Variants in SLIT1 observed in about 807,000 individuals in gnomAD.
SLIT1 encodes the protein slit homolog 1 protein.
In SLIT1, 66 loss-of-function variants were observed where a neutral mutation model predicts 186.1. The ratio of observed to expected loss-of-function variants is 0.35; its 90% CI spans 0.29 to 0.44. SLIT1 has a LOEUF of 0.44. Among genes scored for constraint, SLIT1 ranks in the 20% least tolerant of loss-of-function variants. The pLI is 1.00. For synonymous variants in SLIT1, 761 were observed against 833.8 expected (o/e 0.91, Z 1.50); for missense variants, 1,638 against 2,037.4 (o/e 0.80, Z 3.77).
At chr10:97,060,302 G>GA in intron 9 of SLIT1, 144 bp from the exon 10 acceptor site, 4 of 726,404 alleles carry the variant, frequency 5.5e-6, no homozygotes. Context: ...GAAGTCTGGG[G>GA]TAAGGACGCC....
intron 4 of SLIT1, among the ~76,000 whole-genome samples, chr10:97,152,381 G>T (rs1261929317): frequency 6.6e-6 from 1 of 152,238 alleles, no homozygotes; most frequent in Non-Finnish European, 1.5e-5. Context: ...ATGGGACGCA[G>T]GTCCAGGTGC....
intron 4 of SLIT1, among the ~76,000 whole-genome samples, chr10:97,136,200 C>T (rs556410588): frequency 1.7e-3 from 257 of 152,168 alleles, no homozygotes; most frequent in Middle Eastern, 3.2e-3. Flanking sequence ...ACCTTGTCCC[C>T]TCATCCACTG....
At chr10:97,066,124 C>A in intron 4 of SLIT1, 38 bp from the exon 5 acceptor site, 2 of 1,509,504 alleles carry the variant, frequency 1.3e-6, no homozygotes, top group South Asian at 2.4e-5. Context: ...AAACACCGGT[C>A]AGAAAAGAGG....
At chr10:97,078,708 G>A (rs1256798092) in intron 4 of SLIT1, among the ~76,000 whole-genome samples, 1 of 152,258 alleles carries the variant, frequency 6.6e-6, no homozygotes, top group Non-Finnish European at 1.5e-5. Flanking sequence ...CAGCCACTAA[G>A]GCAAGGGCAC....
At chr10:97,174,616 C>T (rs1292971882) in intron 1 of SLIT1, among the ~76,000 whole-genome samples, 2 of 152,240 alleles carry the variant, frequency 1.3e-5, no homozygotes, top group East Asian at 3.8e-4. Context: ...GCCTGGGCTC[C>T]TGGGGACCCA....
chr10:97,052,104 G>GTTTTTT, intron 13 of SLIT1, among the ~76,000 whole-genome samples: 1 of 137,094 alleles, frequency 7.3e-6, no homozygotes, highest in Non-Finnish European at 1.5e-5. Context: ...TTTTTTGTTT[G>GTTTTTT]TTTTTTTTTT....
At chr10:97,150,736 C>G (rs549967131) in intron 4 of SLIT1, among the ~76,000 whole-genome samples, 4 of 152,130 alleles carry the variant, frequency 2.6e-5, no homozygotes, top group Non-Finnish European at 5.9e-5. Flanking sequence ...CAGAGCTGCA[C>G]GGCAGCAGAG....
intron 5 of SLIT1, among the ~76,000 whole-genome samples, chr10:97,065,118 TG>T (rs1224630799): frequency 4.0e-5 from 6 of 148,488 alleles, no homozygotes; most frequent in African/African-American, 1.5e-4. Flanking sequence ...ACATATCCCC[TG>T]GGGAGCAGGC....
Position 97,011,138 on chromosome 10 carries a change from G to GT in SLIT1, c.3204-9dup, listed in dbSNP as rs1848406993. ...CCTGGCATGCACTCACACCTAGTGGGTGGGGGGCAGGGGTAGTTGGGGGGT... is the reference window on the plus strand; with the variant it reads ...CCTGGCATGCACTCACACCTAGTGGGTTGGGGGGCAGGGGTAGTTGGGGGGT... On this transcript the variant is annotated splice_polypyrimidine_tract_variant and intron_variant, in intron 30 of 36. Transcript: ENST00000266058. 6.2e-7 allele frequency: 1 copy of GT among 1,611,116 alleles called. No individual in the cohort carries two copies.
At chr10:97,158,309 A>C (rs1849978092) in intron 3 of SLIT1, among the ~76,000 whole-genome samples, 1 of 151,614 alleles carries the variant, frequency 6.6e-6, no homozygotes, top group South Asian at 2.1e-4. Context: ...TTTCATCCAC[A>C]TTTGGCTCAA....
chr10:97,026,234 C>T (rs1417288502), intron 25 of SLIT1, among the ~76,000 whole-genome samples: 4 of 152,012 alleles, frequency 2.6e-5, no homozygotes, highest in Non-Finnish European at 5.9e-5. Context: ...GAGGCTGAGG[C>T]GGGTGGATCA....
At chr10:97,097,620 A>C (rs1317247572) in intron 4 of SLIT1, among the ~76,000 whole-genome samples, 1 of 152,212 alleles carries the variant, frequency 6.6e-6, no homozygotes, top group Non-Finnish European at 1.5e-5. Flanking sequence ...AAAGCAAACA[A>C]TCTAAAACTT....
intron 4 of SLIT1, among the ~76,000 whole-genome samples, chr10:97,115,999 T>A (rs1849506927): frequency 6.6e-6 from 1 of 152,056 alleles, no homozygotes; most frequent in Admixed American, 6.5e-5. Flanking sequence ...GGCTCTGGAG[T>A]GAAACCTTCA....
chr10:97,037,684 G>C lies in SLIT1; in HGVS notation c.2366+14C>G. The C allele has an allele frequency of 6.2e-7, 1 of 1,605,886 alleles. No homozygotes were observed. Among genetic ancestry groups the C allele is most frequent in the Non-Finnish European group, 8.5e-7 (1 of 1,173,046 alleles). Reference sequence around the variant, plus strand: ...CCAAAGGCCCTCCTGTCCTCAAGCGGCCTGGATACTTACACGAGCTGCAGG... The same window carrying C: ...CCAAAGGCCCTCCTGTCCTCAAGCGCCCTGGATACTTACACGAGCTGCAGG... On this transcript the variant is annotated intron_variant, in intron 22 of 36. Transcript: ENST00000266058.
chr10:97,066,122 G>A (rs1466069280), intron 4 of SLIT1, 36 bp from the exon 5 acceptor site: 2 of 1,520,264 alleles, frequency 1.3e-6, no homozygotes, highest in East Asian at 2.3e-5. Context: ...GAAAACACCG[G>A]TCAGAAAAGA....
chr10:97,148,282 T>G (rs1849838560), intron 4 of SLIT1, among the ~76,000 whole-genome samples: 1 of 151,078 alleles, frequency 6.6e-6, no homozygotes, highest in Admixed American at 6.6e-5. Context: ...ATTGCTTTAG[T>G]ACTAAGCTTT....
Position 97,000,138 on chromosome 10 carries a change from C to T in SLIT1, c.*974G>A, listed in dbSNP as rs917251107. On this transcript the variant is annotated 3_prime_UTR_variant, in exon 37 of 37. Transcript: ENST00000266058. ...GCCTGGAGCACTGTCCCTTCCACTG[C>T]TCCCTACTGGCCTGCGGTGTGAAGG... 11 of 152,284 alleles carry T rather than the reference C, an allele frequency of 7.2e-5. No homozygotes were observed. The highest frequency in any genetic ancestry group is 2.7e-4 in the African/African-American group (11 of 41,450). The allele number at this position is 152,284 out of a possible 1,614,324, so 9.4% of individuals were successfully genotyped here. A position where few individuals can be genotyped will look rare whatever the true frequency, so the allele number is the denominator to read the frequency against.
intron 30 of SLIT1, among the ~76,000 whole-genome samples, chr10:97,013,457 A>G (rs576819115): frequency 1.3e-5 from 2 of 152,310 alleles, no homozygotes; most frequent in African/African-American, 4.8e-5. Flanking sequence ...TCACCCCAGG[A>G]GGAAGCTACT....
At chr10:97,131,282 C>T (rs186762206) in intron 4 of SLIT1, among the ~76,000 whole-genome samples, 26 of 152,368 alleles carry the variant, frequency 1.7e-4, no homozygotes, top group Admixed American at 5.2e-4. Context: ...GCATCTCTCA[C>T]CACACACACT....
Sources: allele counts gnomAD v4.1 joint callset (sites outside exome capture counted in the v4.1 genomes callset), GRCh38; gene constraint gnomAD v4.1.1; transcripts MANE v1.5; gene names NCBI Gene and HGNC (gene_info 2026-07-23, HGNC 2026-07-21).